The following VSIG8 variants were observed in gnomAD, a reference collection of about 807,000 sequenced individuals.
The protein encoded by VSIG8 is V-set and immunoglobulin domain-containing protein 8.
Under a neutral mutation model 42.6 loss-of-function variants are expected in VSIG8, and 32 were observed. The ratio of observed to expected loss-of-function variants is 0.75; its 90% CI spans 0.57 to 1.01. VSIG8 has a LOEUF of 1.01. Ranked by LOEUF, VSIG8 falls within the 50% of genes least tolerant of loss-of-function variation. VSIG8 has a pLI of 0.00. For synonymous variants in VSIG8, 290 were observed against 243.8 expected (o/e 1.19, Z -1.77); for missense variants, 529 against 558.0 (o/e 0.95, Z 0.52).
intron 5 of VSIG8, 37 bp downstream of exon 5, chr1:159,856,487 C>T (rs769589165): frequency 6.2e-7 from 1 of 1,609,994 alleles, no homozygotes; most frequent in Admixed American, 1.7e-5. Context: ...CAGTTCAACC[C>T]TCCCAACCAC....
At position 159,858,217 on chromosome 1, in the gene VSIG8, G is replaced by A; in HGVS notation, c.303C>T (p.Ala101=). 2.5e-6 allele frequency: 4 copies of A among 1,614,216 alleles called. No individual in the cohort carries two copies. Among genetic ancestry groups the A allele is most frequent in the Non-Finnish European group, 3.4e-6 (4 of 1,180,036 alleles). Reference sequence around the variant, plus strand: ...AGGCATCGTACTGGCTTGGGTCTGAGGCTGCAAAGCGGACCCTCTGCTGCA... The same window carrying A: ...AGGCATCGTACTGGCTTGGGTCTGAAGCTGCAAAGCGGACCCTCTGCTGCA... ...PHLQQRVRFA[A]SDPSQYDASI... is the part of the protein sequence containing the mutation. Residue 101 remains alanine, a synonymous_variant, in exon 3 of 7, where the codon GCC becomes GCT. Transcript: ENST00000368100.
In VSIG8 at chr1:159,858,113, C is replaced by T. The variant is rs150177506; in HGVS notation, c.407G>A (p.Arg136Gln). Residue 136 changes from arginine (R) to glutamine (Q), a missense_variant, in exon 3 of 7, where the codon CGG (arginine) becomes CAG (glutamine). Physicochemically the swap from Arg to Gln is conservative, Grantham distance 43. Transcript: ENST00000368100. ...CRVKKTTMATRKVIVTVQARP... is the reference protein window; with the variant it reads ...CRVKKTTMATQKVIVTVQARP... ...ACCTTGGACAGTGACAATGACCTTC[C>T]GGGTGGCCATGGTGGTCTTCTTCAC... is the stretch of plus-strand genomic sequence containing the variant. 2.2e-4 allele frequency: 351 copies of T among 1,614,182 alleles called. No homozygotes were observed. The highest frequency in any genetic ancestry group is 2.8e-4 in the Non-Finnish European group (327 of 1,180,024).
Position 159,854,680 on chromosome 1 carries a change from G to A in VSIG8, c.*73C>T, listed in dbSNP as rs1039982032. The A allele has an allele frequency of 7.3e-6, 10 of 1,378,100 alleles. No homozygotes were observed. The African/African-American group carries it at 1.1e-4, about 15-fold the overall frequency. The allele number at this position is 1,378,100 out of a possible 1,614,324, so 85.4% of individuals were successfully genotyped here. A position where few individuals can be genotyped will look rare whatever the true frequency, so the allele number is the denominator to read the frequency against. ...GAGCGAGGTCGTCCCCAGCCCCGAC[G>A]TGTCCCCAGCTGCAGACAGAGAGCC... On this transcript the variant is annotated 3_prime_UTR_variant, in exon 7 of 7. Transcript: ENST00000368100.
At chr1:159,856,236 G>A in intron 5 of VSIG8, 155 bp from the exon 6 acceptor site, 1 of 803,938 alleles carries the variant, frequency 1.2e-6, no homozygotes, top group Non-Finnish European at 1.9e-6. Flanking sequence ...GGGAAGATAT[G>A]GGGAGATGCA....
In VSIG8 at chr1:159,856,029, C is replaced by T. The variant is rs758434999; in HGVS notation, c.825G>A (p.Ala275=). The change falls in exon 6 of 7, where the codon GCG becomes GCA. Residue 275 remains alanine (A), a synonymous_variant. Transcript: ENST00000368100. ...IIGIVLGSLL[A]LGCLAVGIWG... ...AGATGCCTACGGCCAGGCAGCCCAGCGCGAGCAGAGAGCCCAGGACGATGC... is the reference window on the plus strand; with the variant it reads ...AGATGCCTACGGCCAGGCAGCCCAGTGCGAGCAGAGAGCCCAGGACGATGC... The T allele has an allele frequency of 6.2e-7, 1 of 1,611,690 alleles. No homozygotes were observed. The highest frequency in any genetic ancestry group is 8.5e-7 in the Non-Finnish European group (1 of 1,179,182).
In VSIG8 at chr1:159,862,486, C is replaced by T. The variant is rs1196265308; in HGVS notation, c.36G>A (p.Val12=). Residue 12 remains valine, a synonymous_variant, in exon 1 of 7, where the codon GTG becomes GTA. Coordinates refer to ENST00000368100, the MANE Select transcript of VSIG8 (RefSeq NM_001013661.1). ...CCAGCCCCGTACCTGGGCTCAGGCA[C>T]ACGAGTAGAAGGTGGAATGCTCCTC... ...RVGGAFHLLL[V]CLSPALLSAV... 2.5e-6 allele frequency: 4 copies of T among 1,613,096 alleles called. No individual in the cohort carries two copies. Among genetic ancestry groups the T allele is most frequent in the Admixed American group, 1.7e-5 (1 of 59,950 alleles).
intron 5 of VSIG8, 176 bp from the exon 6 acceptor site, chr1:159,856,257 T>C: frequency 3.9e-6 from 3 of 766,634 alleles, no homozygotes; most frequent in Non-Finnish European, 6.2e-6. Context: ...AGTTAACCCC[T>C]CGTGTCAGCA....
At chr1:159,858,688 A>G in intron 2 of VSIG8, 46 bp downstream of exon 2, 1 of 1,558,506 alleles carries the variant, frequency 6.4e-7, no homozygotes, top group Non-Finnish European at 8.7e-7. Flanking sequence ...CAACAGGTAG[A>G]CATCATGAAG....
chr1:159,855,256 C>A, intron 6 of VSIG8: 1 of 1,551,248 alleles, frequency 6.4e-7, no homozygotes, highest in Non-Finnish European at 8.7e-7. Flanking sequence ...CAGGGCTTGT[C>A]CACGCGTATC....
rs368746032 is a variant in VSIG8, at chr1:159,862,572, G to A, written c.-51C>T. 5.8e-6 allele frequency: 9 copies of A among 1,545,330 alleles called. No individual in the cohort carries two copies. The highest frequency in any genetic ancestry group is 1.7e-4 in the Middle Eastern group (1 of 5,878). On this transcript the variant is annotated 5_prime_UTR_variant, in exon 1 of 7. It adds an upstream start codon to the 5' untranslated region. Coordinates refer to ENST00000368100, the MANE Select transcript of VSIG8 (RefSeq NM_001013661.1). Reference sequence around the variant, plus strand: ...TCTGGGCTGGGTATCCCGTGGGGTCGTAGTGGTGGGTGTGAGGGGGTAGGT... The same window carrying A: ...TCTGGGCTGGGTATCCCGTGGGGTCATAGTGGTGGGTGTGAGGGGGTAGGT...
rs1190407947 is a variant in VSIG8 at position 159,854,797 on chromosome 1, A to G, written c.1201T>C (p.Cys401Arg). Residue 401 changes from cysteine (C) to arginine (R), a missense_variant, in exon 7 of 7, where the codon TGC becomes CGC. Transcript: ENST00000368100. ...TTGCACTGCACCGGCCCCTCGGCGC[A>G]GTCAGCCGGCTCCGCGCTCTTGACC... is the stretch of plus-strand genomic sequence containing the variant. ...VKVKSAEPAD[C>R]AEGPVQCKNG... The G allele has an allele frequency of 4.7e-6, 7 of 1,504,066 alleles. No individual in the cohort carries two copies. In the South Asian group the frequency reaches 7.4e-5, roughly 16 times the overall value. The allele number at this position is 1,504,066 out of a possible 1,614,324, so 93.2% of individuals were successfully genotyped here. A position where few individuals can be genotyped will look rare whatever the true frequency, so the allele number is the denominator to read the frequency against.
At chr1:159,855,816 A>C in intron 6 of VSIG8, 67 bp downstream of exon 6, 1 of 1,477,336 alleles carries the variant, frequency 6.8e-7, no homozygotes, top group Admixed American at 2.5e-5. Context: ...GGTGGCAGGC[A>C]GGAGTGAGGT....
At chr1:159,855,246 C>T in intron 6 of VSIG8, 1 of 1,551,368 alleles carries the variant, frequency 6.4e-7, no homozygotes, top group Non-Finnish European at 8.7e-7. Context: ...ATCCTCCAGA[C>T]AGGGCTTGTC....
chr1:159,856,108 G>A, intron 5 of VSIG8, 27 bp from the exon 6 acceptor site: 1 of 1,598,022 alleles, frequency 6.3e-7, no homozygotes, highest in Non-Finnish European at 8.5e-7. Flanking sequence ...AGGCAGGTCA[G>A]GCTTTCTCAC....
chr1:159,854,716 C>G lies in VSIG8; in HGVS notation c.*37G>C. Reference sequence around the variant, plus strand: ...TGCAGACAGAGAGCCCCGCGCCCTCCTCCTGGCTGGGGCGCAGCCCGGCCC... The same window carrying G: ...TGCAGACAGAGAGCCCCGCGCCCTCGTCCTGGCTGGGGCGCAGCCCGGCCC... On this transcript the variant is annotated 3_prime_UTR_variant, in exon 7 of 7. Coordinates refer to ENST00000368100, the MANE Select transcript of VSIG8 (RefSeq NM_001013661.1). 1 of 1,431,606 alleles carries G rather than the reference C, an allele frequency of 7.0e-7. No individual in the cohort carries two copies. The highest frequency in any genetic ancestry group is 9.1e-7 in the Non-Finnish European group (1 of 1,101,154). 88.7% of individuals were successfully genotyped at this position (1,431,606 alleles called of 1,614,324 possible).
chr1:159,860,574 G>A (rs935660955), intron 1 of VSIG8: 1 of 152,252 alleles, frequency 6.6e-6, no homozygotes, highest in African/African-American at 2.4e-5. Context: ...AACCCAGCTA[G>A]ACTCCAAGGT....
At position 159,854,654 on chromosome 1, in the gene VSIG8, C is replaced by T. The variant is rs1185551670; in HGVS notation, c.*99G>A. The T allele has an allele frequency of 4.5e-6, 6 of 1,347,386 alleles. No homozygotes were observed. The South Asian group carries it at 5.4e-5, about 12-fold the overall frequency. 83.5% of individuals were successfully genotyped at this position (1,347,386 alleles called of 1,614,324 possible). On this transcript the variant is annotated 3_prime_UTR_variant, in exon 7 of 7. Transcript: ENST00000368100. ...CCCCCAGCCGCCTGGCAGCCTGGGG[C>T]GAGCGAGGTCGTCCCCAGCCCCGAC...
chr1:159,860,344 C>T (rs1648980113), intron 1 of VSIG8, among the ~76,000 whole-genome samples: 1 of 152,232 alleles, frequency 6.6e-6, no homozygotes, highest in Admixed American at 6.5e-5. Flanking sequence ...ACAATCTGCA[C>T]ACAAACACAG....
chr1:159,862,188 C>G (rs1649045155), intron 1 of VSIG8: 1 of 383,722 alleles, frequency 2.6e-6, no homozygotes, highest in Non-Finnish European at 4.6e-6. Flanking sequence ...CTAGTCACGG[C>G]ATGAGCTTGC....
Sources: gnomAD v4.1 joint callset for allele counts (sites outside exome capture counted in the v4.1 genomes callset) on GRCh38, gnomAD v4.1.1 for gene constraint, MANE v1.5 for transcripts, NCBI Gene and HGNC (gene_info 2026-07-23, HGNC 2026-07-21) for gene names.